Variants in DPP10 observed in about 807,000 individuals in gnomAD.
The protein encoded by DPP10 is inactive dipeptidyl peptidase 10.
DPP10 carries 33 observed loss-of-function variants against 120.9 expected under a neutral mutation model. The ratio of observed to expected loss-of-function variants is 0.27; its 90% CI spans 0.21 to 0.37. The LOEUF (loss-of-function observed/expected upper bound fraction) is 0.37, where lower values mean the gene tolerates loss of function less well. DPP10 is among the 10% of genes least tolerant of loss of function. The pLI is 1.00. For missense variants in DPP10, 816 were observed against 942.8 expected, an observed-to-expected ratio of 0.87 and a Z score of 1.76; for synonymous variants, 337 against 326.1, an observed-to-expected ratio of 1.03 and a Z score of -0.36.
At chr2:115,216,925 C>A (rs560055017) in intron 1 of DPP10, among the ~76,000 whole-genome samples, 3 of 151,286 alleles carry the variant, frequency 2.0e-5, no homozygotes, top group African/African-American at 7.3e-5. Context: ...GTATATATGT[C>A]TATGTATATT....
intron 8 of DPP10, among the ~76,000 whole-genome samples, chr2:115,737,696 C>T (rs981941546): frequency 6.6e-6 from 1 of 152,102 alleles, no homozygotes; most frequent in Admixed American, 6.6e-5. Flanking sequence ...TACAGCTTGC[C>T]TGGGATATAG....
At chr2:115,538,721 A>C (rs2079013649) in intron 5 of DPP10, among the ~76,000 whole-genome samples, 1 of 151,984 alleles carries the variant, frequency 6.6e-6, no homozygotes, top group Non-Finnish European at 1.5e-5. Context: ...TAACTTTAAA[A>C]ACACTGATAA....
At chr2:115,234,137 T>C (rs149375829) in intron 1 of DPP10, among the ~76,000 whole-genome samples, 23 of 152,318 alleles carry the variant, frequency 1.5e-4, no homozygotes, top group Non-Finnish European at 2.2e-4. Flanking sequence ...GTGTTTATTA[T>C]ATTTTTTCTG....
At chr2:115,752,330 G>A (rs760251449) in intron 10 of DPP10, among the ~76,000 whole-genome samples, 8 of 152,026 alleles carry the variant, frequency 5.3e-5, no homozygotes, top group African/African-American at 1.5e-4. Flanking sequence ...ATTTTGTTGC[G>A]TGTGAGTTGG....
intron 3 of DPP10, among the ~76,000 whole-genome samples, chr2:115,420,295 A>T (rs1001416480): frequency 1.3e-5 from 2 of 152,182 alleles, no homozygotes; most frequent in African/African-American, 4.8e-5. Context: ...AGGCCTGATG[A>T]GAACTTTTTA....
chr2:115,222,942 C>T (rs2057250530), intron 1 of DPP10, among the ~76,000 whole-genome samples: 1 of 151,890 alleles, frequency 6.6e-6, no homozygotes, highest in Admixed American at 6.6e-5. Context: ...GAACAAAGGT[C>T]TTAGGATTGG....
chr2:114,669,711 C>T (rs1323581508), intron 1 of DPP10, among the ~76,000 whole-genome samples: 32 of 152,084 alleles, frequency 2.1e-4, no homozygotes, highest in Non-Finnish European at 7.4e-5. Flanking sequence ...CTTAAATTGC[C>T]AGCAGTTTTG....
chr2:115,808,394 T>A (rs1189001242), intron 19 of DPP10, among the ~76,000 whole-genome samples: 1 of 152,118 alleles, frequency 6.6e-6, no homozygotes, highest in South Asian at 2.1e-4. Flanking sequence ...ATAGAGATAG[T>A]CAGATTTGGG....
intron 1 of DPP10, among the ~76,000 whole-genome samples, chr2:114,873,029 G>T (rs1690825272): frequency 1.3e-5 from 2 of 152,124 alleles, no homozygotes. Flanking sequence ...ACAAGACTTT[G>T]GAGTTTTTCA....
rs539390612 is a variant in DPP10 at position 114,959,933 on chromosome 2, C to A, written c.61-349306C>A. On this transcript the variant is annotated intron_variant, in intron 1 of 25. Coordinates refer to ENST00000410059, the MANE Select transcript of DPP10 (RefSeq NM_020868.6). ...ATTGGGCTATTTATTTTTTTATTAT[C>A]AAGTTGTGAGACACCAGCAGTGTTT... 2.0e-5 allele frequency among the ~76,000 whole-genome samples: 3 copies of A among 152,124 alleles called. No individual in the cohort carries two copies. The East Asian group carries it at 5.8e-4, about 29-fold the overall frequency.
rs544935237 is a variant in DPP10 at position 114,497,921 on chromosome 2, C to T, written c.60+55083C>T. On this transcript the variant is annotated intron_variant, in intron 1 of 25. Transcript: ENST00000410059. Reference sequence around the variant, plus strand: ...TTCTAGGGAGATGCTCACTCGTCTACGGAAGGTGTATTGTATTCAGTTTCT... The same window carrying T: ...TTCTAGGGAGATGCTCACTCGTCTATGGAAGGTGTATTGTATTCAGTTTCT... Among the ~76,000 whole-genome samples the T allele has an allele frequency of 4.6e-5, 7 of 152,278 alleles. No homozygotes were observed. In the East Asian group the frequency reaches 5.8e-4, roughly 13 times the overall value.
intron 3 of DPP10, among the ~76,000 whole-genome samples, chr2:115,391,279 A>T (rs1410209950): frequency 1.3e-5 from 2 of 152,184 alleles, no homozygotes; most frequent in Non-Finnish European, 2.9e-5. Context: ...GTGCTTTCTT[A>T]TGACTCCAAT....
At chr2:115,705,305 C>G (rs2092057231) in intron 7 of DPP10, among the ~76,000 whole-genome samples, 1 of 151,892 alleles carries the variant, frequency 6.6e-6, no homozygotes, top group African/African-American at 2.4e-5. Flanking sequence ...CATTAAATAT[C>G]TATGCTTTTT....
At chr2:115,620,902 A>T (rs2084897359) in intron 5 of DPP10, among the ~76,000 whole-genome samples, 1 of 152,232 alleles carries the variant, frequency 6.6e-6, no homozygotes, top group Non-Finnish European at 1.5e-5. Flanking sequence ...ATACGTGGTC[A>T]ACGTAGTATA....
At chr2:115,090,650 T>C (rs1018777709) in intron 1 of DPP10, among the ~76,000 whole-genome samples, 1 of 150,206 alleles carries the variant, frequency 6.7e-6, no homozygotes, top group Non-Finnish European at 1.5e-5. Context: ...CAAAGACAGG[T>C]TTATTTTGGA....
chr2:114,531,513 CAT>C (rs147167997), intron 1 of DPP10, among the ~76,000 whole-genome samples: 9,520 of 146,824 alleles, frequency 0.065, 359 homozygotes, highest in South Asian at 0.11. Context: ...CTATGTATAC[CAT>C]ATATATATAT....
intron 1 of DPP10, among the ~76,000 whole-genome samples, chr2:114,844,458 G>A (rs56937772): frequency 2.0e-4 from 30 of 151,400 alleles, no homozygotes; most frequent in African/African-American, 7.3e-4. Context: ...TTCTTGCTAA[G>A]GTTGAGAAAT....
intron 1 of DPP10, among the ~76,000 whole-genome samples, chr2:114,559,098 G>A (rs1367800582): frequency 6.6e-6 from 1 of 152,218 alleles, no homozygotes; most frequent in African/African-American, 2.4e-5. Context: ...GAAGCTTAGT[G>A]TGGTGGGCAG....
At chr2:114,975,096 A>G (rs1005967238) in intron 1 of DPP10, among the ~76,000 whole-genome samples, 1 of 151,690 alleles carries the variant, frequency 6.6e-6, no homozygotes, top group Non-Finnish European at 1.5e-5. Flanking sequence ...CTAGAGTGCA[A>G]TGGCGCGATC....
Sources: gnomAD v4.1 joint callset for allele counts (sites outside exome capture counted in the v4.1 genomes callset) on GRCh38, gnomAD v4.1.1 for gene constraint, MANE v1.5 for transcripts, NCBI Gene and HGNC (gene_info 2026-07-23, HGNC 2026-07-21) for gene names.